The following MPIG6B variants were observed in gnomAD, a reference collection of about 807,000 sequenced individuals.
The protein encoded by MPIG6B is immunoglobulin receptor.
In MPIG6B, 22 loss-of-function variants were observed where a neutral mutation model predicts 24.2. The observed-to-expected ratio is 0.91, with a 90% confidence interval of 0.65 to 1.30. MPIG6B has a LOEUF of 1.30. Among genes scored for constraint, MPIG6B ranks in the 50% most tolerant of loss-of-function variants. The pLI is 0.00. For synonymous variants in MPIG6B, 136 were observed against 142.0 expected, an observed-to-expected ratio of 0.96 and a Z score of 0.30; for missense variants, 301 against 318.5, an observed-to-expected ratio of 0.94 and a Z score of 0.42.
rs59002496 is a variant in MPIG6B at position 31,725,322 on chromosome 6, C to A, written c.*248C>A. ...GTGTCCTCTCTATACCCAATCAAGC[C>A]CTAGCTCCTTTTTTTTTTTTTTTTG... On this transcript the variant is annotated 3_prime_UTR_variant, in exon 6 of 6. Coordinates refer to ENST00000649779, the MANE Select transcript of MPIG6B (RefSeq NM_138272.3). This position sits in a 1 kb window ranked among gnomAD's most constrained non-coding sequence, Gnocchi z 5.2. 5,919 of 481,350 alleles carry A rather than the reference C, an allele frequency of 0.012. 205 individuals are homozygous for A. Among genetic ancestry groups the A allele is most frequent in the African/African-American group, 0.083 (4,110 of 49,592 alleles). 29.8% of individuals were successfully genotyped at this position (481,350 alleles called of 1,614,324 possible).
upstream of MPIG6B, chr6:31,723,350 T>A (rs1806959026): frequency 6.2e-7 from 1 of 1,601,562 alleles, no homozygotes; most frequent in Non-Finnish European, 8.5e-7. The surrounding 1 kb of genome is among the most constrained non-coding windows in gnomAD (Gnocchi z 4.3). Context: ...ACGCCGCTGA[T>A]TCGCTCGCAG....
chr6:31,722,845 C>CAA (rs9281563), upstream of MPIG6B, among the ~76,000 whole-genome samples: 4,406 of 74,356 alleles, frequency 0.059, 240 homozygotes, highest in African/African-American at 0.11. Context: ...GACTCTGACT[C>CAA]AAAAAAAAAA....
In MPIG6B at chr6:31,724,415, T is replaced by C. The variant is rs568499852; in HGVS notation, c.501-172T>C. 5.3e-6 allele frequency: 4 copies of C among 758,454 alleles called. No homozygotes were observed. In the African/African-American group the frequency reaches 7.0e-5, roughly 13 times the overall value. The allele number at this position is 758,454 out of a possible 1,614,324, so 47.0% of individuals were successfully genotyped here. A position where few individuals can be genotyped will look rare whatever the true frequency, so the allele number is the denominator to read the frequency against. ...GTGAGTAGAGCCCCACCAGAGCAGA[T>C]GAGCTGGAAGTGCAGCAGAGTTAGA... is the stretch of plus-strand genomic sequence containing the variant. On this transcript the variant is annotated intron_variant, in intron 3 of 5. Transcript: ENST00000649779.
chr6:31,723,820 C>A lies in MPIG6B; in HGVS notation c.243C>A (p.Val81=), dbSNP rs150356894. ...CCGTGCCTCCCCTCCAGCCTTTCGTCGGCCGCCTACGCTCCCTGGACTCTG... is the reference window on the plus strand; with the variant it reads ...CCGTGCCTCCCCTCCAGCCTTTCGTAGGCCGCCTACGCTCCCTGGACTCTG... ...TPTVPPLQPF[V]GRLRSLDSGI... Residue 81 remains valine, a synonymous_variant, in exon 2 of 6, where the codon GTC becomes GTA. Transcript: ENST00000649779. This position sits in a 1 kb window ranked among gnomAD's most constrained non-coding sequence, Gnocchi z 4.3. 1.2e-6 allele frequency: 2 copies of A among 1,613,620 alleles called. No individual in the cohort carries two copies. Among genetic ancestry groups the A allele is most frequent in the Non-Finnish European group, 1.7e-6 (2 of 1,179,808 alleles).
In MPIG6B at chr6:31,723,513, G is replaced by A; in HGVS notation, c.61+69G>A. The stretch of plus-strand genomic sequence containing the variant: ...AAGCAAGATAAGGGCCGCCTAGTAG[G>A]GTGGGTTGTGTGTGGGAAGATCCAG... On this transcript the variant is annotated intron_variant, in intron 1 of 5. Coordinates refer to ENST00000649779, the MANE Select transcript of MPIG6B (RefSeq NM_138272.3). The surrounding 1 kb of genome is among the most constrained non-coding windows in gnomAD (Gnocchi z 4.3). The A allele has an allele frequency of 6.7e-7, 1 of 1,491,664 alleles. No individual in the cohort carries two copies. Among genetic ancestry groups the A allele is most frequent in the Non-Finnish European group, 9.3e-7 (1 of 1,075,748 alleles). The allele number at this position is 1,491,664 out of a possible 1,614,324, so 92.4% of individuals were successfully genotyped here. A position where few individuals can be genotyped will look rare whatever the true frequency, so the allele number is the denominator to read the frequency against.
At chr6:31,724,899 A>C (rs779817464) in intron 5 of MPIG6B, 55 bp downstream of exon 5, 35 of 516,342 alleles carry the variant, frequency 6.8e-5, no homozygotes, top group Non-Finnish European at 8.4e-5. Flanking sequence ...AAAATGGACC[A>C]AAAAAAAAAA....
chr6:31,724,748 C>G lies in MPIG6B; in HGVS notation c.542-17C>G, dbSNP rs1207312358. On this transcript the variant is annotated splice_polypyrimidine_tract_variant and intron_variant, in intron 4 of 5. Transcript: ENST00000649779. Reference sequence around the variant, plus strand: ...GTCACCTTCTCTCCATCCTTCAGCTCTGTCCCCCCCACATAGCTCCACTTG... The same window carrying G: ...GTCACCTTCTCTCCATCCTTCAGCTGTGTCCCCCCCACATAGCTCCACTTG... 7.4e-6 allele frequency: 12 copies of G among 1,613,890 alleles called. No individual in the cohort carries two copies. Among genetic ancestry groups the G allele is most frequent in the Non-Finnish European group, 1.0e-5 (12 of 1,179,902 alleles).
At chr6:31,724,267 AGTGACCAGAG>A (rs777564633) in intron 3 of MPIG6B, 35 bp downstream of exon 3, 1 of 1,530,706 alleles carries the variant, frequency 6.5e-7, no homozygotes, top group Non-Finnish European at 9.0e-7. Context: ...TTAAATGGGG[AGTGACCAGAG>A]GTGGAAGGGG....
At chr6:31,724,315 A>G (rs1807141798) in intron 3 of MPIG6B, 83 bp downstream of exon 3, 1 of 1,158,624 alleles carries the variant, frequency 8.6e-7, no homozygotes, top group African/African-American at 1.5e-5. Flanking sequence ...CAAAAGAAAG[A>G]GCTAGACCTA....
At chr6:31,721,274 T>TA (rs892075092), upstream of MPIG6B, among the ~76,000 whole-genome samples, 5 of 152,054 alleles carry the variant, frequency 3.3e-5, no homozygotes, top group Non-Finnish European at 7.4e-5. Flanking sequence ...AGAAGGCAGG[T>TA]AAGCTAGACT....
In MPIG6B at chr6:31,725,003, C is replaced by T. The variant is rs1807222543; in HGVS notation, c.655C>T (p.Leu219Phe). Residue 219 changes from leucine (L) to phenylalanine (F), a missense_variant, in exon 6 of 6, where the codon CTC (leucine) becomes TTC (phenylalanine). Coordinates refer to ENST00000649779, the MANE Select transcript of MPIG6B (RefSeq NM_138272.3). This position sits in a 1 kb window ranked among gnomAD's most constrained non-coding sequence, Gnocchi z 5.2. ...CTATGCGGATCTGGACCATCTAGCC[C>T]TCAGCAGGCCCCGCCGGCTGTCCAC... ...LLYADLDHLA[L>F]SRPRRLSTAD... The T allele has an allele frequency of 1.2e-6, 2 of 1,614,002 alleles. No individual in the cohort carries two copies. The highest frequency in any genetic ancestry group is 1.7e-6 in the Non-Finnish European group (2 of 1,179,984).
rs1408356119 is a variant in MPIG6B at position 31,726,308 on chromosome 6, A to G, written c.*1234A>G. The G allele has an allele frequency of 1.3e-5, 2 of 152,068 alleles. No homozygotes were observed. The highest frequency in any genetic ancestry group is 2.9e-5 in the Non-Finnish European group (2 of 68,024). 9.4% of individuals were successfully genotyped at this position (152,068 alleles called of 1,614,324 possible). On this transcript the variant is annotated 3_prime_UTR_variant, in exon 6 of 6. Coordinates refer to ENST00000649779, the MANE Select transcript of MPIG6B (RefSeq NM_138272.3). The surrounding 1 kb of genome is among the most constrained non-coding windows in gnomAD (Gnocchi z 5.1). The stretch of plus-strand genomic sequence containing the variant: ...TACAAGGTACTACAGCACTTTGTCC[A>G]CTCTCCAGGCTTACCTGTGTCATTC...
chr6:31,722,845 C>CAAAAAAAAAAAAAAAAAAAAA (rs9281563), upstream of MPIG6B, among the ~76,000 whole-genome samples: 1 of 74,616 alleles, frequency 1.3e-5, no homozygotes, highest in Non-Finnish European at 2.9e-5. Flanking sequence ...GACTCTGACT[C>CAAAAAAAAAAAAAAAAAAAAA]AAAAAAAAAA....
chr6:31,722,393 C>T (rs549123792), upstream of MPIG6B, among the ~76,000 whole-genome samples: 13 of 152,200 alleles, frequency 8.5e-5, no homozygotes, highest in South Asian at 2.3e-3. Context: ...GCTCCACTTG[C>T]GCTTGGTGTG....
chr6:31,723,286 C>T, upstream of MPIG6B: 1 of 947,248 alleles, frequency 1.1e-6, no homozygotes, highest in South Asian at 1.4e-5. The surrounding 1 kb of genome is among the most constrained non-coding windows in gnomAD (Gnocchi z 4.3). Context: ...AGCCCCCCAG[C>T]CCCTCCGTTC....
upstream of MPIG6B, among the ~76,000 whole-genome samples, chr6:31,722,068 C>T (rs946073355): frequency 6.6e-6 from 1 of 152,198 alleles, no homozygotes; most frequent in African/African-American, 2.4e-5. Flanking sequence ...ATGGTGGCAG[C>T]TTCTGCTGGT....
In MPIG6B at chr6:31,726,544, G is replaced by A. The variant is rs1189406598; in HGVS notation, c.*1470G>A. The A allele has an allele frequency of 6.6e-6, 1 of 152,146 alleles. No homozygotes were observed. The highest frequency in any genetic ancestry group is 1.9e-4 in the East Asian group (1 of 5,200). 9.4% of individuals were successfully genotyped at this position (152,146 alleles called of 1,614,324 possible). A position where few individuals can be genotyped will look rare whatever the true frequency, so the allele number is the denominator to read the frequency against. On this transcript the variant is annotated 3_prime_UTR_variant, in exon 6 of 6. Coordinates refer to ENST00000649779, the MANE Select transcript of MPIG6B (RefSeq NM_138272.3). This position sits in a 1 kb window ranked among gnomAD's most constrained non-coding sequence, Gnocchi z 5.1. ...CCCTTGCATATACTTTGATGCCCTA[G>A]GGCGCACCCCCTTTATTTCCCTCAT...
Position 31,724,968 on chromosome 6 carries a change from A to G in MPIG6B, c.622-2A>G, listed in dbSNP as rs1486821534. 6.2e-7 allele frequency: 1 copy of G among 1,613,060 alleles called. No individual in the cohort carries two copies. The highest frequency in any genetic ancestry group is 1.7e-5 in the Admixed American group (1 of 59,938). The stretch of plus-strand genomic sequence containing the variant: ...CTTGTCTTCCTCCCCTTCCTCCTCC[A>G]GAGCCTGCTCTATGCGGATCTGGAC... On this transcript the variant is annotated splice_acceptor_variant, in intron 5 of 5. Transcript: ENST00000649779. LOFTEE classifies it high-confidence loss of function.
Position 31,723,635 on chromosome 6 carries a change from C to A in MPIG6B, c.62-4C>A. 6.4e-7 allele frequency: 1 copy of A among 1,559,462 alleles called. No homozygotes were observed. Reference sequence around the variant, plus strand: ...CCCTAACCACAGCCTCCGGCCTCTCCTAGCTTCTCTGGACGGCCGCCCTGG... The same window carrying A: ...CCCTAACCACAGCCTCCGGCCTCTCATAGCTTCTCTGGACGGCCGCCCTGG... On this transcript the variant is annotated splice_polypyrimidine_tract_variant and splice_region_variant and intron_variant, in intron 1 of 5. Coordinates refer to ENST00000649779, the MANE Select transcript of MPIG6B (RefSeq NM_138272.3). This position sits in a 1 kb window ranked among gnomAD's most constrained non-coding sequence, Gnocchi z 4.3.
Sources: allele counts gnomAD v4.1 joint callset (sites outside exome capture counted in the v4.1 genomes callset), GRCh38; gene constraint gnomAD v4.1.1; non-coding constraint Gnocchi (gnomAD v3.1); transcripts MANE v1.5; gene names NCBI Gene and HGNC (gene_info 2026-07-23, HGNC 2026-07-21).